Variants in ANTXR1 observed in about 807,000 individuals in gnomAD.
ANTXR1 encodes the protein ANTXR cell adhesion molecule 1.
ANTXR1 carries 19 observed loss-of-function variants against 78.1 expected under a neutral mutation model. That is an observed-to-expected ratio of 0.24 (90% CI 0.17 to 0.36). The LOEUF is 0.36. Among genes scored for constraint, ANTXR1 ranks in the 10% least tolerant of loss-of-function variants. ANTXR1 has a pLI of 1.00. For synonymous variants in ANTXR1, 273 were observed against 260.5 expected, an observed-to-expected ratio of 1.05 and a Z score of -0.46; for missense variants, 518 against 718.6, an observed-to-expected ratio of 0.72 and a Z score of 3.19.
intron 12 of ANTXR1, 33 bp downstream of exon 12, chr2:69,124,676 T>G: frequency 6.2e-7 from 1 of 1,603,598 alleles, no homozygotes; most frequent in South Asian, 1.1e-5. Flanking sequence ...ACTAAAGATC[T>G]CATTATCATT....
intron 1 of ANTXR1, among the ~76,000 whole-genome samples, chr2:69,026,661 T>C (rs1402552262): frequency 6.6e-6 from 1 of 152,188 alleles, no homozygotes; most frequent in Admixed American, 6.5e-5. Context: ...ATAAGGGCAT[T>C]GGTGACTTTT....
At chr2:69,018,213 C>T (rs1048496127) in intron 1 of ANTXR1, among the ~76,000 whole-genome samples, 3 of 152,178 alleles carry the variant, frequency 2.0e-5, no homozygotes, top group African/African-American at 7.2e-5. Context: ...CCCCCACAGG[C>T]TCACCATGTG....
chr2:69,235,651 C>CAAAAAAAAAA (rs554310438), intron 17 of ANTXR1, among the ~76,000 whole-genome samples: 1 of 58,220 alleles, frequency 1.7e-5, no homozygotes, highest in Non-Finnish European at 3.5e-5. Context: ...AACCCCGTCT[C>CAAAAAAAAAA]AAAAAAAAAA....
At chr2:69,018,958 C>T (rs1017955172) in intron 1 of ANTXR1, among the ~76,000 whole-genome samples, 5 of 152,214 alleles carry the variant, frequency 3.3e-5, no homozygotes, top group Non-Finnish European at 7.3e-5. Flanking sequence ...GTATCAGGAA[C>T]TCCAACCCCC....
intron 17 of ANTXR1, among the ~76,000 whole-genome samples, chr2:69,201,029 G>A (rs1361297216): frequency 6.6e-6 from 1 of 152,124 alleles, no homozygotes. Flanking sequence ...GTTGTTAGAT[G>A]TCTTCTAAGA....
chr2:69,071,152 A>G (rs773451488), intron 4 of ANTXR1, among the ~76,000 whole-genome samples: 12 of 152,254 alleles, frequency 7.9e-5, no homozygotes, highest in Non-Finnish European at 1.6e-4. Context: ...GTACTAGGCC[A>G]TAAGGAATAA....
chr2:69,141,786 G>C lies in ANTXR1; in HGVS notation c.952-10383G>C, dbSNP rs565888587. 3.3e-5 allele frequency among the ~76,000 whole-genome samples: 5 copies of C among 152,244 alleles called. No homozygotes were observed. In the South Asian group the frequency reaches 1.0e-3, roughly 32 times the overall value. On this transcript the variant is annotated intron_variant, in intron 12 of 17. Transcript: ENST00000303714. Reference sequence around the variant, plus strand: ...ATGAGTGATACTTTGCAATGGGCTGGTGTATGACAGTGAGGACCTTAGGGC... The same window carrying C: ...ATGAGTGATACTTTGCAATGGGCTGCTGTATGACAGTGAGGACCTTAGGGC...
At chr2:69,195,697 G>T (rs1674653363) in intron 17 of ANTXR1, among the ~76,000 whole-genome samples, 1 of 152,122 alleles carries the variant, frequency 6.6e-6, no homozygotes, top group Non-Finnish European at 1.5e-5. Context: ...GTCTTATAAA[G>T]TATACATTTG....
chr2:69,019,054 AAATTCGT>A (rs1671108092), intron 1 of ANTXR1, among the ~76,000 whole-genome samples: 1 of 152,208 alleles, frequency 6.6e-6, no homozygotes, highest in African/African-American at 2.4e-5. Context: ...TTATTATGAT[AAATTCGT>A]AATTTGTTCA....
At position 69,124,640 on chromosome 2, in the gene ANTXR1, C is replaced by A; in HGVS notation, c.948C>A (p.His316Gln). ...ISSSVIITTT[H>Q]CSDGSILAIA... ...GTTCTGTCATCATCACCACCACACA[C>A]TGTGTAAGTCATAACCTTTCCCTTT... is the stretch of plus-strand genomic sequence containing the variant. The change falls in exon 12 of 18, where the codon CAC becomes CAA. Residue 316 changes from histidine (H) to glutamine (Q), a missense_variant. Around this residue, in one of 5 missense-constraint regions of ANTXR1, gnomAD observed 264 missense variants for 391.8 expected, o/e 0.67. Coordinates refer to ENST00000303714, the MANE Select transcript of ANTXR1 (RefSeq NM_032208.3). 6.2e-7 allele frequency: 1 copy of A among 1,614,068 alleles called. No individual in the cohort carries two copies. The highest frequency in any genetic ancestry group is 8.5e-7 in the Non-Finnish European group (1 of 1,179,868).
chr2:69,050,479 C>G (rs547141705), intron 3 of ANTXR1, among the ~76,000 whole-genome samples: 94 of 143,988 alleles, frequency 6.5e-4, no homozygotes, highest in African/African-American at 2.7e-3. Flanking sequence ...TTCATACAAT[C>G]TCTGTCAGTT....
At chr2:69,031,092 C>T (rs1253333693) in intron 1 of ANTXR1, among the ~76,000 whole-genome samples, 1 of 152,130 alleles carries the variant, frequency 6.6e-6, no homozygotes, top group Non-Finnish European at 1.5e-5. Context: ...GACCACATGG[C>T]CCCCAGAACC....
At chr2:69,229,073 C>T (rs372454893) in intron 17 of ANTXR1, among the ~76,000 whole-genome samples, 35 of 152,036 alleles carry the variant, frequency 2.3e-4, no homozygotes, top group Non-Finnish European at 4.4e-4. Context: ...GGGGACCAAC[C>T]CCATCATGAG....
At chr2:69,143,422 C>A (rs1673126567) in intron 12 of ANTXR1, among the ~76,000 whole-genome samples, 1 of 152,122 alleles carries the variant, frequency 6.6e-6, no homozygotes, top group African/African-American at 2.4e-5. Context: ...AGGAGAAAAT[C>A]ACGCAGCTTT....
intron 8 of ANTXR1, among the ~76,000 whole-genome samples, chr2:69,081,175 CAAG>C (rs1169332510): frequency 2.0e-5 from 3 of 152,186 alleles, no homozygotes; most frequent in Non-Finnish European, 4.4e-5. Context: ...AACTGAGGTG[CAAG>C]AAGGTTGGAG....
At chr2:69,210,090 T>C (rs545499449) in intron 17 of ANTXR1, among the ~76,000 whole-genome samples, 1 of 152,208 alleles carries the variant, frequency 6.6e-6, no homozygotes, top group African/African-American at 2.4e-5. Flanking sequence ...GAGAAGTGGA[T>C]GGAGTCTGAA....
intron 12 of ANTXR1, among the ~76,000 whole-genome samples, chr2:69,128,403 T>C (rs1191524216): frequency 6.6e-6 from 1 of 152,158 alleles, no homozygotes; most frequent in Non-Finnish European, 1.5e-5. Context: ...TGTTTTATAG[T>C]GGAAGCTTAA....
At chr2:69,083,368 C>T (rs1670953300) in intron 8 of ANTXR1, among the ~76,000 whole-genome samples, 1 of 152,192 alleles carries the variant, frequency 6.6e-6, no homozygotes, top group Non-Finnish European at 1.5e-5. Context: ...TCACTGGAGG[C>T]AACCTCCTTC....
intron 4 of ANTXR1, among the ~76,000 whole-genome samples, 190 bp downstream of exon 4, chr2:69,070,918 T>A (rs1670544535): frequency 6.6e-6 from 1 of 152,168 alleles, no homozygotes; most frequent in South Asian, 2.1e-4. Context: ...TGGATTCCCT[T>A]CCTTCTTCCC....
Sources: allele counts gnomAD v4.1 joint callset (sites outside exome capture counted in the v4.1 genomes callset), GRCh38; gene constraint gnomAD v4.1.1; regional missense constraint gnomAD v4.1.1; transcripts MANE v1.5; gene names NCBI Gene and HGNC (gene_info 2026-07-23, HGNC 2026-07-21).